SVOPL: variants seen among roughly 807,000 people sequenced by gnomAD.
SVOPL encodes SVOP like, also known as putative transporter SVOPL.
SVOPL carries 60 observed loss-of-function variants against 61.0 expected under a neutral mutation model. The observed-to-expected ratio is 0.98, with a 90% CI of 0.80 to 1.22. The LOEUF is 1.22. SVOPL is among the 50% of genes most tolerant of loss of function. The pLI, the probability that SVOPL is intolerant of heterozygous loss-of-function variation, is 0.00. For missense variants in SVOPL, 662 were observed against 643.9 expected (o/e 1.03, Z -0.30); for synonymous variants, 279 against 250.0 (o/e 1.12, Z -1.09).
chr7:138,637,186 G>C (rs1800506472), intron 9 of SVOPL, among the ~76,000 whole-genome samples: 1 of 152,010 alleles, frequency 6.6e-6, no homozygotes, highest in Admixed American at 6.6e-5. Context: ...TCAGCACTTT[G>C]GGAAGTTGAG....
At chr7:138,656,391 A>G in intron 7 of SVOPL, 57 bp downstream of exon 7, 4 of 1,542,358 alleles carry the variant, frequency 2.6e-6, no homozygotes, top group Admixed American at 3.4e-5. Context: ...GTATGCCTAT[A>G]TGTACATCTT....
chr7:138,595,226 C>A (rs2116720696), intron 15 of SVOPL, among the ~76,000 whole-genome samples: 1 of 152,276 alleles, frequency 6.6e-6, no homozygotes, highest in South Asian at 2.1e-4. Flanking sequence ...AAGGAAGTTA[C>A]TATTTTTGCC....
At chr7:138,677,823 C>T (rs1450141471) in intron 3 of SVOPL, among the ~76,000 whole-genome samples, 11 of 146,666 alleles carry the variant, frequency 7.5e-5, no homozygotes, top group Non-Finnish European at 1.3e-4. Flanking sequence ...AGTGCAGTGG[C>T]GCGATCTCAG....
At chr7:138,648,984 C>G (rs1250514579) in intron 8 of SVOPL, 28 bp downstream of exon 8, 1 of 1,613,082 alleles carries the variant, frequency 6.2e-7, no homozygotes, top group East Asian at 2.2e-5. Context: ...GAGGAGGGGA[C>G]AGGAAGGAGC....
chr7:138,611,234 G>A (rs1798985438), intron 14 of SVOPL, among the ~76,000 whole-genome samples: 1 of 152,080 alleles, frequency 6.6e-6, no homozygotes, highest in African/African-American at 2.4e-5. Context: ...AAAAATTAGT[G>A]GGGCATGGTG....
chr7:138,660,640 T>C (rs1177042781), intron 5 of SVOPL: 3 of 985,376 alleles, frequency 3.0e-6, no homozygotes, highest in African/African-American at 3.5e-5. Flanking sequence ...TAAGCTGCGA[T>C]GATATCTGTA....
intron 4 of SVOPL, among the ~76,000 whole-genome samples, chr7:138,665,956 G>A (rs551245051): frequency 1.6e-4 from 25 of 152,218 alleles, no homozygotes; most frequent in Non-Finnish European, 2.8e-4. Flanking sequence ...ACCACTGATC[G>A]CTTGAGCCCA....
chr7:138,654,474 T>A (rs1801602230), intron 7 of SVOPL, among the ~76,000 whole-genome samples: 1 of 151,714 alleles, frequency 6.6e-6, no homozygotes, highest in African/African-American at 2.4e-5. Context: ...ACAGCATGTC[T>A]GTTTACAGCA....
chr7:138,662,192 C>T (rs1445425354), intron 5 of SVOPL: 5 of 985,358 alleles, frequency 5.1e-6, no homozygotes, highest in Non-Finnish European at 6.0e-6. Context: ...TTCTCTGCCT[C>T]TGCCTCATAG....
intron 4 of SVOPL, among the ~76,000 whole-genome samples, chr7:138,668,283 G>A (rs929494226): frequency 5.3e-5 from 8 of 152,160 alleles, no homozygotes; most frequent in African/African-American, 1.9e-4. Flanking sequence ...AAATGCTCAG[G>A]GAGACTGATT....
intron 4 of SVOPL, among the ~76,000 whole-genome samples, chr7:138,666,720 A>C (rs371711801): frequency 6.6e-6 from 1 of 152,206 alleles, no homozygotes; most frequent in Non-Finnish European, 1.5e-5. Flanking sequence ...CCTTTGACAT[A>C]AAGAGCCAAA....
chr7:138,611,617 G>A (rs1473517460), intron 14 of SVOPL, among the ~76,000 whole-genome samples: 2 of 151,972 alleles, frequency 1.3e-5, no homozygotes, highest in Non-Finnish European at 1.5e-5. Context: ...CATGCTTCAA[G>A]AGAACATCAG....
At chr7:138,691,078 A>G (rs1802929631) in intron 1 of SVOPL, among the ~76,000 whole-genome samples, 1 of 152,032 alleles carries the variant, frequency 6.6e-6, no homozygotes, top group Non-Finnish European at 1.5e-5. Context: ...CCCAGCCTGA[A>G]TTGCACTCTT....
At chr7:138,679,151 A>G (rs12535253) in intron 1 of SVOPL, 72 bp from the exon 2 acceptor site, 237,863 of 1,020,868 alleles carry the variant, frequency 0.23, 28,659 homozygotes, top group Middle Eastern at 0.37. Flanking sequence ...TGCCAGGCAC[A>G]CTACACACAA....
rs1563095685 is a variant in SVOPL, at chr7:138,621,906, GTATCTATCTATGTATCTATCTATGTATC to G, written c.1264-799_1264-772del. On this transcript the variant is annotated intron_variant, in intron 13 of 15. Coordinates refer to ENST00000674285, the MANE Select transcript of SVOPL (RefSeq NM_001139456.2). The stretch of plus-strand genomic sequence containing the variant: ...TCTATCTATCTATCTATCTATCTAT[GTATCTATCTATGTATCTATCTATGTATC>G]TATCTATCTATGTATCTATCTATCT... Among the ~76,000 whole-genome samples, 13 of 27,844 alleles carry G rather than the reference GTATCTATCTATGTATCTATCTATGTATC, an allele frequency of 4.7e-4. No individual in the cohort carries two copies. The East Asian group carries it at 6.1e-3, about 13-fold the overall frequency. 18.3% of individuals were successfully genotyped at this position (27,844 alleles called of 152,430 possible). A position where few individuals can be genotyped will look rare whatever the true frequency, so the allele number is the denominator to read the frequency against.
At chr7:138,633,818 A>G (rs1244591862) in intron 9 of SVOPL, among the ~76,000 whole-genome samples, 8 of 152,170 alleles carry the variant, frequency 5.3e-5, no homozygotes, top group Non-Finnish European at 7.4e-5. Context: ...CACACTTACA[A>G]TGTAGGCCAG....
intron 14 of SVOPL, among the ~76,000 whole-genome samples, chr7:138,605,443 C>A (rs1455570291): frequency 6.6e-6 from 1 of 151,996 alleles, no homozygotes; most frequent in Non-Finnish European, 1.5e-5. Flanking sequence ...AGATGGATCA[C>A]CCAAGGTCAG....
chr7:138,598,608 C>A (rs1798377983), intron 14 of SVOPL, among the ~76,000 whole-genome samples: 1 of 152,082 alleles, frequency 6.6e-6, no homozygotes, highest in Non-Finnish European at 1.5e-5. Flanking sequence ...GAATTGAAAT[C>A]ATAGAGTGTG....
intron 14 of SVOPL, among the ~76,000 whole-genome samples, chr7:138,608,498 G>C (rs1798852748): frequency 6.6e-6 from 1 of 152,166 alleles, no homozygotes; most frequent in Non-Finnish European, 1.5e-5. Context: ...GCTTGCCACT[G>C]GGGGAAATTG....
Sources: allele counts gnomAD v4.1 joint callset (sites outside exome capture counted in the v4.1 genomes callset), GRCh38; gene constraint gnomAD v4.1.1; transcripts MANE v1.5; gene names NCBI Gene and HGNC (gene_info 2026-07-23, HGNC 2026-07-21).